SOX6: variants seen among roughly 807,000 people sequenced by gnomAD.
SOX6 encodes SRY-box transcription factor 6, also known as transcription factor SOX-6.
SOX6 carries 11 observed loss-of-function variants against 97.8 expected under a neutral mutation model. The observed-to-expected ratio is 0.11, with a 90% CI of 0.07 to 0.19. The LOEUF is 0.19. SOX6 is among the 10% of genes least tolerant of loss of function. The pLI, the probability that SOX6 is intolerant of heterozygous loss-of-function variation, is 1.00. For synonymous variants in SOX6, 360 were observed against 371.4 expected, an observed-to-expected ratio of 0.97 and a Z score of 0.35; for missense variants, 810 against 1,039.5, an observed-to-expected ratio of 0.78 and a Z score of 3.04.
intron 1 of SOX6, among the ~76,000 whole-genome samples, chr11:16,354,810 A>G (rs1043520445): frequency 2.1e-4 from 32 of 152,054 alleles, no homozygotes; most frequent in Admixed American, 2.1e-3. Flanking sequence ...CTATCCTATG[A>G]AATACATGAA....
chr11:16,156,704 G>A (rs1344559257), intron 6 of SOX6, among the ~76,000 whole-genome samples: 2 of 151,760 alleles, frequency 1.3e-5, no homozygotes, highest in East Asian at 3.9e-4. Flanking sequence ...CCTAAAACAT[G>A]CCAAGCACAC....
intron 3 of SOX6, among the ~76,000 whole-genome samples, chr11:16,642,964 C>T (rs558705790): frequency 5.0e-4 from 76 of 152,298 alleles, no homozygotes; most frequent in African/African-American, 1.6e-3. Context: ...TGAGGAGGTG[C>T]GTTCCTTTGG....
At chr11:16,286,248 A>G (rs922518976) in intron 3 of SOX6, among the ~76,000 whole-genome samples, 2 of 152,118 alleles carry the variant, frequency 1.3e-5, no homozygotes, top group African/African-American at 4.8e-5. Flanking sequence ...ACTGGGATCT[A>G]TGCAACTTAG....
chr11:16,186,543 G>A (rs944172557), intron 5 of SOX6, among the ~76,000 whole-genome samples: 4 of 151,980 alleles, frequency 2.6e-5, no homozygotes, highest in African/African-American at 9.7e-5. Context: ...ATCCAAACCT[G>A]AAACAATGTA....
intron 7 of SOX6, among the ~76,000 whole-genome samples, chr11:16,107,683 G>C (rs1225066795): frequency 1.3e-5 from 2 of 151,582 alleles, no homozygotes; most frequent in African/African-American, 4.8e-5. Flanking sequence ...ATTTTTGTTG[G>C]GTATGATGAA....
At chr11:16,256,652 G>T (rs1405536221) in intron 3 of SOX6, among the ~76,000 whole-genome samples, 1 of 151,902 alleles carries the variant, frequency 6.6e-6, no homozygotes, top group Non-Finnish European at 1.5e-5. Context: ...AACAAGGGGA[G>T]GATGTCCCCT....
At position 16,143,483 on chromosome 11, in the gene SOX6, T is replaced by C. The variant is rs577570197; in HGVS notation, c.778-31560A>G. On this transcript the variant is annotated intron_variant, in intron 6 of 15. Coordinates refer to ENST00000683767, the MANE Select transcript of SOX6 (RefSeq NM_001367873.1). ...ACCAGCTAACATCATAATGACAGGA[T>C]CAAATTCACACATAAGAATATTAAC... 2.0e-5 allele frequency among the ~76,000 whole-genome samples: 3 copies of C among 152,234 alleles called. No homozygotes were observed. In the East Asian group the frequency reaches 5.8e-4, roughly 29 times the overall value.
At chr11:15,986,707 TC>T (rs2119818489) in intron 14 of SOX6, among the ~76,000 whole-genome samples, 1 of 152,308 alleles carries the variant, frequency 6.6e-6, no homozygotes, top group African/African-American at 2.4e-5. Context: ...CCAAGGTCTT[TC>T]CCCATCCACC....
At chr11:16,222,976 T>C (rs1519126) in intron 4 of SOX6, among the ~76,000 whole-genome samples, 72,945 of 151,948 alleles carry the variant, frequency 0.48, 17,712 homozygotes, top group South Asian at 0.61. Flanking sequence ...ACAGTACGAA[T>C]TATGCAGCAC....
chr11:16,292,918 C>T (rs1035099424), intron 3 of SOX6, among the ~76,000 whole-genome samples: 1 of 152,138 alleles, frequency 6.6e-6, no homozygotes, highest in African/African-American at 2.4e-5. Context: ...GACAGATTAG[C>T]ATTGAATCTA....
At chr11:16,674,836 G>A (rs533255581) in intron 3 of SOX6, among the ~76,000 whole-genome samples, 3 of 152,174 alleles carry the variant, frequency 2.0e-5, no homozygotes, top group South Asian at 2.1e-4. Context: ...CTGTAGTCCC[G>A]GCTACTCAGG....
intron 3 of SOX6, among the ~76,000 whole-genome samples, chr11:16,280,389 T>A (rs79450570): frequency 1.1e-4 from 16 of 151,732 alleles, no homozygotes; most frequent in African/African-American, 3.1e-4. Context: ...TTTTTTTTTT[T>A]TATAGAAACC....
At chr11:16,733,710 A>T (rs1848368915) in intron 2 of SOX6, among the ~76,000 whole-genome samples, 1 of 131,546 alleles carries the variant, frequency 7.6e-6, no homozygotes, top group Admixed American at 8.8e-5. Context: ...CATGTATCCC[A>T]GAACTTAAAG....
At chr11:16,639,616 G>C (rs1037342790) in intron 3 of SOX6, among the ~76,000 whole-genome samples, 2 of 152,130 alleles carry the variant, frequency 1.3e-5, no homozygotes, top group Non-Finnish European at 2.9e-5. Flanking sequence ...AGTTCTCCTT[G>C]AAGAGGTCCT....
intron 3 of SOX6, chr11:16,317,839 A>C (rs2134300801): frequency 3.7e-6 from 1 of 267,932 alleles, no homozygotes; most frequent in Non-Finnish European, 7.6e-6. Context: ...ATATTATTGG[A>C]GAGTCTTCTT....
At chr11:16,468,086 A>G (rs1860075844) in intron 1 of SOX6, among the ~76,000 whole-genome samples, 1 of 152,198 alleles carries the variant, frequency 6.6e-6, no homozygotes, top group Non-Finnish European at 1.5e-5. Context: ...CAGCTCTTAG[A>G]AAATTGCCCC....
At position 16,449,277 on chromosome 11, in the gene SOX6, C is replaced by CTTTTTTTTTTTTTTT. The variant is rs10611823; in HGVS notation, c.-5+27023_-5+27037dup. 1.1e-4 allele frequency among the ~76,000 whole-genome samples: 7 copies of CTTTTTTTTTTTTTTT among 62,906 alleles called. 2 individuals are homozygous for CTTTTTTTTTTTTTTT. Among genetic ancestry groups the CTTTTTTTTTTTTTTT allele is most frequent in the African/African-American group, 4.3e-4 (6 of 13,936 alleles). 41.3% of individuals were successfully genotyped at this position (62,906 alleles called of 152,430 possible). A position where few individuals can be genotyped will look rare whatever the true frequency, so the allele number is the denominator to read the frequency against. ...AGTGTAAAATTATAAAATGCTCCTTCTTTTTTTTTTTTTTTTTTTTTTTTT... is the reference window on the plus strand; with the variant it reads ...AGTGTAAAATTATAAAATGCTCCTTCTTTTTTTTTTTTTTTTTTTTTTTTTTTTTTTTTTTTTTTT... On this transcript the variant is annotated intron_variant, in intron 1 of 15. Coordinates refer to the SOX6 transcript ENST00000396356.
intron 3 of SOX6, among the ~76,000 whole-genome samples, chr11:16,631,030 T>A (rs1254305794): frequency 6.6e-6 from 1 of 151,300 alleles, no homozygotes; most frequent in African/African-American, 2.4e-5. Flanking sequence ...TCTTGTTTTC[T>A]AATCCAAACT....
At chr11:16,210,421 T>A (rs186458667) in intron 4 of SOX6, among the ~76,000 whole-genome samples, 6 of 152,276 alleles carry the variant, frequency 3.9e-5, no homozygotes, top group Admixed American at 3.9e-4. Context: ...TCATATGAAA[T>A]GTCCAGAATA....
Sources: gnomAD v4.1 joint callset for allele counts (sites outside exome capture counted in the v4.1 genomes callset) on GRCh38, gnomAD v4.1.1 for gene constraint, MANE v1.5 for transcripts, NCBI Gene and HGNC (gene_info 2026-07-23, HGNC 2026-07-21) for gene names.